RHBDD1: variants seen among roughly 807,000 people sequenced by gnomAD.
The protein encoded by RHBDD1 is rhomboid domain containing 1.
In RHBDD1, 38 loss-of-function variants were observed where a neutral mutation model predicts 36.3. That is an observed-to-expected ratio of 1.05 (90% CI 0.81 to 1.37). RHBDD1 has a LOEUF of 1.37. Among genes scored for constraint, RHBDD1 ranks in the 40% most tolerant of loss-of-function variants. RHBDD1 has a pLI of 0.00. For synonymous variants in RHBDD1, 151 were observed against 136.5 expected (o/e 1.11, Z -0.74); for missense variants, 393 against 377.6 (o/e 1.04, Z -0.34).
intron 5 of RHBDD1, among the ~76,000 whole-genome samples, chr2:226,896,770 C>G (rs181151275): frequency 6.7e-6 from 1 of 148,814 alleles, no homozygotes; most frequent in Non-Finnish European, 1.5e-5. Context: ...CGTGCAGCAC[C>G]CTGTGCCCAT....
At chr2:226,906,735 A>G (rs1948080572) in intron 5 of RHBDD1, 58 bp from the exon 6 acceptor site, 2 of 1,613,468 alleles carry the variant, frequency 1.2e-6, no homozygotes, top group Non-Finnish European at 1.7e-6. Flanking sequence ...ATGAGAAGAC[A>G]GAATGTCTCT....
At chr2:226,926,427 C>G (rs970170028) in intron 8 of RHBDD1, among the ~76,000 whole-genome samples, 1 of 152,110 alleles carries the variant, frequency 6.6e-6, no homozygotes, top group Non-Finnish European at 1.5e-5. Context: ...ATATAAAAAC[C>G]ATACCGTGCC....
intron 5 of RHBDD1, among the ~76,000 whole-genome samples, chr2:226,876,821 T>A (rs1312984320): frequency 6.6e-6 from 1 of 152,242 alleles, no homozygotes; most frequent in African/African-American, 2.4e-5. Context: ...ACATAATTTA[T>A]CAATAATTCA....
chr2:226,865,631 A>G (rs1363539691), intron 4 of RHBDD1, among the ~76,000 whole-genome samples: 2 of 152,206 alleles, frequency 1.3e-5, no homozygotes, highest in African/African-American at 2.4e-5. Context: ...TCAAGGCTCA[A>G]AAAGCTGCCT....
the RHBDD1 span, among the ~76,000 whole-genome samples, chr2:226,806,213 G>A: frequency 1.3e-5 from 2 of 152,096 alleles, no homozygotes; most frequent in Admixed American, 6.5e-5. Flanking sequence ...AAGTTAATTT[G>A]AACTTAAGAA....
At chr2:226,880,876 A>G (rs1038854472) in intron 5 of RHBDD1, among the ~76,000 whole-genome samples, 2 of 152,246 alleles carry the variant, frequency 1.3e-5, no homozygotes, top group Admixed American at 6.5e-5. Flanking sequence ...TCTGATTGAA[A>G]GAACAACATA....
intron 1 of RHBDD1, among the ~76,000 whole-genome samples, chr2:226,836,791 A>G (rs1941021313): frequency 6.6e-6 from 1 of 152,202 alleles, no homozygotes; most frequent in Non-Finnish European, 1.5e-5. Context: ...GAAATTGCTT[A>G]TTAGAAGGCT....
At chr2:226,901,609 A>G (rs1467747852) in intron 5 of RHBDD1, among the ~76,000 whole-genome samples, 1 of 152,042 alleles carries the variant, frequency 6.6e-6, no homozygotes, top group Admixed American at 6.6e-5. Flanking sequence ...TGTGGTTTTG[A>G]TTTGCATTTC....
chr2:226,860,121 C>T (rs1196519789), intron 3 of RHBDD1, among the ~76,000 whole-genome samples: 2 of 152,140 alleles, frequency 1.3e-5, no homozygotes, highest in Non-Finnish European at 2.9e-5. Context: ...ATGTCTTTGG[C>T]TTGAACAACT....
chr2:226,872,343 CTG>C (rs1944862569), intron 5 of RHBDD1, among the ~76,000 whole-genome samples: 2 of 152,188 alleles, frequency 1.3e-5, no homozygotes, highest in African/African-American at 4.8e-5. Context: ...TGACACACCT[CTG>C]TAATATTTTC....
At chr2:226,931,262 TA>T (rs1171179687) in intron 8 of RHBDD1, among the ~76,000 whole-genome samples, 1 of 151,642 alleles carries the variant, frequency 6.6e-6, no homozygotes, top group Non-Finnish European at 1.5e-5. Flanking sequence ...AACCAATGAG[TA>T]AAGAAAATGT....
chr2:226,873,144 T>C (rs533668155), intron 5 of RHBDD1, among the ~76,000 whole-genome samples: 75 of 152,328 alleles, frequency 4.9e-4, no homozygotes, highest in African/African-American at 1.7e-3. Flanking sequence ...CATATCCTGT[T>C]ATCATCCTGG....
chr2:226,929,593 AAG>A (rs1949887387), intron 8 of RHBDD1, among the ~76,000 whole-genome samples: 1 of 152,116 alleles, frequency 6.6e-6, no homozygotes, highest in Non-Finnish European at 1.5e-5. Flanking sequence ...GAACTGGAAC[AAG>A]ATAAGGATGC....
Position 226,984,937 on chromosome 2 carries a change from G to C in RHBDD1, c.857-10494G>C, listed in dbSNP as rs1956605680. 2.6e-5 allele frequency among the ~76,000 whole-genome samples: 4 copies of C among 151,112 alleles called. No homozygotes were observed. The South Asian group carries it at 8.4e-4, about 32-fold the overall frequency. On this transcript the variant is annotated intron_variant, in intron 8 of 8. Coordinates refer to ENST00000392062, the MANE Select transcript of RHBDD1 (RefSeq NM_001167608.3). Reference sequence around the variant, plus strand: ...CTCTCCTGGGGGTTGGGGTGGGGGAGGGGGAGGAGGGGCAGAAGCAAAGAG... The same window carrying C: ...CTCTCCTGGGGGTTGGGGTGGGGGACGGGGAGGAGGGGCAGAAGCAAAGAG...
intron 8 of RHBDD1, among the ~76,000 whole-genome samples, chr2:226,992,000 G>A (rs555446993): frequency 5.3e-5 from 8 of 152,300 alleles, no homozygotes; most frequent in African/African-American, 1.7e-4. Context: ...CCCCAAGGAA[G>A]CTTGTCCAGA....
intron 8 of RHBDD1, among the ~76,000 whole-genome samples, chr2:226,933,220 C>A (rs964520605): frequency 6.6e-6 from 1 of 152,096 alleles, no homozygotes; most frequent in Non-Finnish European, 1.5e-5. Flanking sequence ...GGGGCACATC[C>A]AAACCCTCTC....
intron 5 of RHBDD1, chr2:226,867,688 G>A: frequency 1.0e-6 from 1 of 971,880 alleles, no homozygotes; most frequent in Non-Finnish European, 1.2e-6. Flanking sequence ...AAAGCTATAA[G>A]GTATGTTGAT....
At chr2:226,831,374 C>T (rs550937358), upstream of RHBDD1, among the ~76,000 whole-genome samples, 184 of 152,240 alleles carry the variant, frequency 1.2e-3, 1 homozygote, top group Admixed American at 2.0e-3. Flanking sequence ...CCTTAGAATA[C>T]GTTATTTCAA....
rs1383423459 is a variant in RHBDD1, at chr2:226,997,465, CTG to C, written c.*1945_*1946del. 1.2e-4 allele frequency: 19 copies of C among 152,186 alleles called. No homozygotes were observed. The highest frequency in any genetic ancestry group is 1.2e-3 in the Admixed American group (19 of 15,276). The allele number at this position is 152,186 out of a possible 1,614,324, so 9.4% of individuals were successfully genotyped here. A position where few individuals can be genotyped will look rare whatever the true frequency, so the allele number is the denominator to read the frequency against. On this transcript the variant is annotated 3_prime_UTR_variant, in exon 9 of 9. Transcript: ENST00000392062. ...GTGGGAACATGGATTGTGAATGACT[CTG>C]TAATGAGGCCTGAGTCTTAGTTATC...
Sources: allele counts gnomAD v4.1 joint callset (sites outside exome capture counted in the v4.1 genomes callset), GRCh38; gene constraint gnomAD v4.1.1; transcripts MANE v1.5; gene names NCBI Gene and HGNC (gene_info 2026-07-23, HGNC 2026-07-21).